Variants in DNAAF4 observed in about 807,000 individuals in gnomAD.
DNAAF4 encodes dynein assembly factor 4, axonemal.
A neutral mutation model predicts 51.8 loss-of-function variants in DNAAF4; 43 were observed. The observed-to-expected ratio is 0.83, with a 90% CI of 0.65 to 1.07. The LOEUF (loss-of-function observed/expected upper bound fraction) is 1.07, where lower values mean the gene tolerates loss of function less well. DNAAF4 is among the 50% of genes least tolerant of loss of function. The probability of loss-of-function intolerance (pLI) is 0.00; values close to 1 mark genes in which losing one functional copy is unlikely to be tolerated. For synonymous variants in DNAAF4, 194 were observed against 165.6 expected (o/e 1.17, Z -1.32); for missense variants, 581 against 493.0 (o/e 1.18, Z -1.69).
At chr15:55,493,088 G>T (rs984811679) in intron 3 of DNAAF4, among the ~76,000 whole-genome samples, 1 of 152,024 alleles carries the variant, frequency 6.6e-6, no homozygotes, top group South Asian at 2.1e-4. Context: ...TATACAGAAG[G>T]CCCCAGAAAG....
intron 6 of DNAAF4, among the ~76,000 whole-genome samples, chr15:55,447,441 T>A (rs1048486754): frequency 6.6e-6 from 1 of 151,140 alleles, no homozygotes; most frequent in African/African-American, 2.4e-5. Flanking sequence ...GAGGTGGAGG[T>A]TGTAGCGAGC....
intron 4 of DNAAF4, among the ~76,000 whole-genome samples, chr15:55,468,883 A>C (rs577105591): frequency 1.7e-4 from 26 of 152,344 alleles, no homozygotes; most frequent in African/African-American, 6.3e-4. Flanking sequence ...GAAATAGTCC[A>C]GCTCTTCAGA....
intron 8 of DNAAF4, among the ~76,000 whole-genome samples, chr15:55,433,948 A>ATATTT (rs2057556884): frequency 3.7e-4 from 5 of 13,616 alleles, no homozygotes; most frequent in African/African-American, 4.9e-4. Context: ...TATATATAAT[A>ATATTT]TATATAATAT....
chr15:55,445,030 C>T (rs1484388028), intron 6 of DNAAF4, among the ~76,000 whole-genome samples: 2 of 132,296 alleles, frequency 1.5e-5, no homozygotes, highest in Admixed American at 1.5e-4. Context: ...TAATTGAATA[C>T]CCTTTTTTTT....
downstream of DNAAF4, among the ~76,000 whole-genome samples, chr15:55,427,851 T>A (rs912367693): frequency 2.0e-5 from 3 of 151,664 alleles, no homozygotes; most frequent in Non-Finnish European, 2.9e-5. Flanking sequence ...GTCAGGCTGG[T>A]CTCGAACTCC....
Position 55,447,787 on chromosome 15 carries a change from G to T in DNAAF4, c.783+2435C>A, listed in dbSNP as rs577174072. ...AGGGAGACCGTGGAAAGAGAGAGGG[G>T]AGAGGGGAGAGGGGAGAGGGCAGAG... On this transcript the variant is annotated intron_variant, in intron 6 of 9. Coordinates refer to ENST00000321149, the MANE Select transcript of DNAAF4 (RefSeq NM_130810.4). Among the ~76,000 whole-genome samples, 12 of 65,030 alleles carry T rather than the reference G, an allele frequency of 1.8e-4. No individual in the cohort carries two copies. The South Asian group carries it at 9.0e-3, about 49-fold the overall frequency. The allele number at this position is 65,030 out of a possible 152,430, so 42.7% of individuals were successfully genotyped here.
intron 6 of DNAAF4, among the ~76,000 whole-genome samples, chr15:55,449,693 C>T (rs1223413145): frequency 1.1e-5 from 1 of 92,270 alleles, no homozygotes; most frequent in Non-Finnish European, 2.0e-5. Context: ...AACAAAAAGA[C>T]CGCTTTTTTT....
intron 8 of DNAAF4, among the ~76,000 whole-genome samples, chr15:55,433,955 A>ATATATTTTATATAT (rs2057558211): frequency 2.5e-5 from 1 of 39,610 alleles, no homozygotes; most frequent in Non-Finnish European, 3.9e-5. Context: ...AATATATATA[A>ATATATTTTATATAT]TATATATAAT....
At chr15:55,467,544 T>TGCACAC (rs2058187654) in intron 4 of DNAAF4, among the ~76,000 whole-genome samples, 1 of 150,186 alleles carries the variant, frequency 6.7e-6, no homozygotes, top group Non-Finnish European at 1.5e-5. Flanking sequence ...TCTCAAAATC[T>TGCACAC]ACACACACAC....
At chr15:55,482,800 G>T (rs1202570515) in intron 4 of DNAAF4, among the ~76,000 whole-genome samples, 1 of 152,142 alleles carries the variant, frequency 6.6e-6, no homozygotes, top group Non-Finnish European at 1.5e-5. Flanking sequence ...ACCAACTGAT[G>T]AATGGATAAA....
At chr15:55,425,468 T>G (rs571730591), downstream of DNAAF4, among the ~76,000 whole-genome samples, 2 of 152,334 alleles carry the variant, frequency 1.3e-5, no homozygotes, top group South Asian at 4.1e-4. Flanking sequence ...TATTTGGAAC[T>G]GAGCCTAGTT....
intron 7 of DNAAF4, among the ~76,000 whole-genome samples, chr15:55,438,181 GC>G (rs1245322035): frequency 1.3e-5 from 2 of 151,160 alleles, no homozygotes; most frequent in Non-Finnish European, 3.0e-5. Context: ...GACCAGCCTG[GC>G]CAACATGGTG....
chr15:55,420,088 G>A (rs1325138443), intron 7 of DNAAF4, among the ~76,000 whole-genome samples: 1 of 152,172 alleles, frequency 6.6e-6, no homozygotes, highest in East Asian at 1.9e-4. Context: ...AAAGTAGGCA[G>A]TATGCACAGG....
chr15:55,466,808 T>C, intron 5 of DNAAF4, 122 bp downstream of exon 5: 2 of 1,191,048 alleles, frequency 1.7e-6, no homozygotes, highest in Non-Finnish European at 2.3e-6. Context: ...TGTACTGAAT[T>C]GCTTATTCTC....
intron 7 of DNAAF4, among the ~76,000 whole-genome samples, chr15:55,436,655 G>A (rs2057616507): frequency 6.6e-6 from 1 of 152,118 alleles, no homozygotes; most frequent in Non-Finnish European, 1.5e-5. Flanking sequence ...AGAGTGCTGG[G>A]ATTATAGGAG....
chr15:55,466,852 AG>A (rs2058177833), intron 5 of DNAAF4, 77 bp downstream of exon 5: 1 of 1,526,430 alleles, frequency 6.6e-7, no homozygotes, highest in African/African-American at 1.4e-5. Context: ...TGCTGTGAAT[AG>A]ATTTACAAAA....
intron 5 of DNAAF4, among the ~76,000 whole-genome samples, chr15:55,451,184 C>CA (rs1341278558): frequency 6.6e-6 from 1 of 152,164 alleles, no homozygotes; most frequent in Admixed American, 6.6e-5. Flanking sequence ...CTCTTAGACT[C>CA]AAAGATGAAA....
rs188373268 is a variant in DNAAF4, at chr15:55,481,233, A to G, written c.405+9890T>C. Among the ~76,000 whole-genome samples the G allele has an allele frequency of 3.9e-5, 6 of 152,236 alleles. No individual in the cohort carries two copies. In the East Asian group the frequency reaches 7.7e-4, roughly 20 times the overall value. On this transcript the variant is annotated intron_variant, in intron 4 of 9. Transcript: ENST00000321149. ...TCCTAACTGCTGAAAAAAGTGGCTTATATCTTTTCCTAGAGGGAAAGCACT... is the reference window on the plus strand; with the variant it reads ...TCCTAACTGCTGAAAAAAGTGGCTTGTATCTTTTCCTAGAGGGAAAGCACT...
rs750319648 is a variant in DNAAF4 at position 55,497,869 on chromosome 15, A to G, written c.124-10T>C. 4.4e-6 allele frequency: 7 copies of G among 1,592,414 alleles called. No homozygotes were observed. In the East Asian group the frequency reaches 1.6e-4, roughly 36 times the overall value. On this transcript the variant is annotated splice_polypyrimidine_tract_variant and intron_variant, in intron 2 of 9. Transcript: ENST00000321149. ...ATGGAGGAAAGTTGACCTATGCAGA[A>G]GGGTGAAAACAGAAACTAAGTTAGT...
Sources: gnomAD v4.1 joint callset for allele counts (sites outside exome capture counted in the v4.1 genomes callset) on GRCh38, gnomAD v4.1.1 for gene constraint, MANE v1.5 for transcripts, NCBI Gene and HGNC (gene_info 2026-07-23, HGNC 2026-07-21) for gene names.